The following ST8SIA6 variants were observed in gnomAD, a reference collection of about 807,000 sequenced individuals.
ST8SIA6 encodes the protein alpha-2,8-sialyltransferase 8F.
In ST8SIA6, 39 loss-of-function variants were observed where a neutral mutation model predicts 33.6. The observed-to-expected ratio is 1.16, with a 90% CI of 0.90 to 1.52. ST8SIA6 has a LOEUF of 1.52. Ranked by LOEUF, ST8SIA6 falls within the 40% of genes most tolerant of loss-of-function variation. The pLI is 0.00. For synonymous variants in ST8SIA6, 172 were observed against 167.2 expected, an observed-to-expected ratio of 1.03 and a Z score of -0.22; for missense variants, 441 against 443.8, an observed-to-expected ratio of 0.99 and a Z score of 0.06.
chr10:17,427,993 T>C (rs1851989743), intron 2 of ST8SIA6, among the ~76,000 whole-genome samples: 1 of 152,228 alleles, frequency 6.6e-6, no homozygotes, highest in Admixed American at 6.5e-5. Context: ...AGTCCTTCTA[T>C]TTGTATGAAG....
At chr10:17,396,034 G>A (rs983050615) in intron 2 of ST8SIA6, among the ~76,000 whole-genome samples, 1 of 152,124 alleles carries the variant, frequency 6.6e-6, no homozygotes, top group South Asian at 2.1e-4. Flanking sequence ...CTCTGTAGTC[G>A]GGTTAGCATG....
At chr10:17,427,473 T>C (rs938622507) in intron 2 of ST8SIA6, among the ~76,000 whole-genome samples, 1 of 152,078 alleles carries the variant, frequency 6.6e-6, no homozygotes, top group African/African-American at 2.4e-5. Flanking sequence ...TGTGACAGAG[T>C]CAGAATGATT....
At chr10:17,412,301 T>C (rs988491172) in intron 2 of ST8SIA6, among the ~76,000 whole-genome samples, 1 of 152,056 alleles carries the variant, frequency 6.6e-6, no homozygotes, top group Admixed American at 6.6e-5. Flanking sequence ...TCCTATCCCA[T>C]TGACTAACCC....
chr10:17,390,936 G>A (rs1207386473), intron 2 of ST8SIA6, among the ~76,000 whole-genome samples: 1 of 150,204 alleles, frequency 6.7e-6, no homozygotes, highest in Non-Finnish European at 1.5e-5. Context: ...TCAGCTCACT[G>A]CAACCTCCAC....
intron 4 of ST8SIA6, among the ~76,000 whole-genome samples, chr10:17,338,047 T>C (rs1307004727): frequency 9.2e-6 from 1 of 108,208 alleles, no homozygotes; most frequent in Non-Finnish European, 1.9e-5. Context: ...TTTTTTTTTT[T>C]TTTTGAGACG....
chr10:17,449,947 C>G (rs1396819398), intron 2 of ST8SIA6, among the ~76,000 whole-genome samples: 2 of 152,190 alleles, frequency 1.3e-5, no homozygotes, highest in Non-Finnish European at 2.9e-5. Context: ...TCTTGGGCAG[C>G]ACTCCATCCT....
chr10:17,453,758 C>T, intron 1 of ST8SIA6, 101 bp from the exon 2 acceptor site: 4 of 911,752 alleles, frequency 4.4e-6, no homozygotes, highest in Non-Finnish European at 4.4e-6. Flanking sequence ...AGATCTCGCA[C>T]TCCCCGGCTC....
chr10:17,340,542 G>C (rs749778557), intron 4 of ST8SIA6, among the ~76,000 whole-genome samples: 18 of 152,112 alleles, frequency 1.2e-4, no homozygotes, highest in Admixed American at 1.3e-4. Context: ...CCTGTGTCAG[G>C]GATAAGAACC....
chr10:17,322,954 T>C, intron 7 of ST8SIA6, 111 bp downstream of exon 7: 1 of 937,466 alleles, frequency 1.1e-6, no homozygotes, highest in Non-Finnish European at 1.6e-6. Flanking sequence ...AAAAACTCAT[T>C]CCACCTGTAC....
intron 2 of ST8SIA6, among the ~76,000 whole-genome samples, chr10:17,405,020 C>G (rs912789576): frequency 1.3e-5 from 2 of 152,182 alleles, no homozygotes; most frequent in African/African-American, 4.8e-5. Context: ...GTAGTTCTGC[C>G]TCCATTGACA....
chr10:17,440,186 ACTCAATAGTTT>A (rs1852423869), intron 2 of ST8SIA6, among the ~76,000 whole-genome samples: 1 of 150,692 alleles, frequency 6.6e-6, no homozygotes, highest in Non-Finnish European at 1.5e-5. Flanking sequence ...TAGTTTCTCA[ACTCAATAGTTT>A]CTCAAATGTA....
intron 2 of ST8SIA6, among the ~76,000 whole-genome samples, chr10:17,431,928 C>T (rs1274306067): frequency 1.3e-5 from 2 of 151,700 alleles, no homozygotes; most frequent in Non-Finnish European, 2.9e-5. Context: ...AAAAGTGGTA[C>T]AGGAAAAAAT....
chr10:17,430,700 C>G (rs537532100), intron 2 of ST8SIA6, among the ~76,000 whole-genome samples: 5 of 152,270 alleles, frequency 3.3e-5, no homozygotes, highest in African/African-American at 1.2e-4. Flanking sequence ...TGAGAACTGT[C>G]TATTCATGTC....
At chr10:17,406,169 C>G (rs952062093) in intron 2 of ST8SIA6, among the ~76,000 whole-genome samples, 1 of 152,162 alleles carries the variant, frequency 6.6e-6, no homozygotes, top group African/African-American at 2.4e-5. Context: ...GAAAAGCTCT[C>G]TGCCTTCCTT....
Position 17,397,391 on chromosome 10 carries a change from C to T in ST8SIA6, c.201-6771G>A, listed in dbSNP as rs193123675. ...TGGGATTACAGGATGCCTGCCACCACGACTGGCTAATTTTTGTATTTTTAG... is the reference window on the plus strand; with the variant it reads ...TGGGATTACAGGATGCCTGCCACCATGACTGGCTAATTTTTGTATTTTTAG... On this transcript the variant is annotated intron_variant, in intron 2 of 7. Transcript: ENST00000377602. Among the ~76,000 whole-genome samples, 587 of 152,162 alleles carry T rather than the reference C, an allele frequency of 3.9e-3. 3 individuals carry two copies. Among genetic ancestry groups the T allele is most frequent in the Non-Finnish European group, 5.8e-3 (396 of 67,996 alleles).
chr10:17,432,023 G>A (rs2131722571), intron 2 of ST8SIA6, among the ~76,000 whole-genome samples: 1 of 152,190 alleles, frequency 6.6e-6, no homozygotes, highest in East Asian at 1.9e-4. Context: ...CCGAAAACCG[G>A]AAGCAAGAAG....
intron 2 of ST8SIA6, 32 bp downstream of exon 2, chr10:17,453,527 C>T (rs1852998477): frequency 7.8e-7 from 1 of 1,277,156 alleles, no homozygotes; most frequent in South Asian, 2.9e-5. Context: ...AGCTCCCGAG[C>T]CCCAGTCCGC....
chr10:17,367,979 A>G (rs527885001), intron 3 of ST8SIA6, among the ~76,000 whole-genome samples: 1 of 152,228 alleles, frequency 6.6e-6, no homozygotes, highest in South Asian at 2.1e-4. Context: ...CCCTATATCT[A>G]TTACGTATCC....
intron 3 of ST8SIA6, among the ~76,000 whole-genome samples, chr10:17,389,296 C>A (rs1035417580): frequency 6.6e-6 from 1 of 152,228 alleles, no homozygotes; most frequent in African/African-American, 2.4e-5. Flanking sequence ...TTGCAATTCA[C>A]CTGTCTTGAT....
Sources: gnomAD v4.1 joint callset for allele counts (sites outside exome capture counted in the v4.1 genomes callset) on GRCh38, gnomAD v4.1.1 for gene constraint, MANE v1.5 for transcripts, NCBI Gene and HGNC (gene_info 2026-07-23, HGNC 2026-07-21) for gene names.